Variants in SLC9A9 observed in about 807,000 individuals in gnomAD.
SLC9A9 encodes the protein sodium/hydrogen exchanger 9.
SLC9A9 carries 62 observed loss-of-function variants against 77.8 expected under a neutral mutation model. The observed-to-expected ratio is 0.80, with a 90% CI of 0.65 to 0.98. The LOEUF (loss-of-function observed/expected upper bound fraction) is 0.98, where lower values mean the gene tolerates loss of function less well. Among genes scored for constraint, SLC9A9 ranks in the 50% least tolerant of loss-of-function variants. The pLI is 0.00. For synonymous variants in SLC9A9, 320 were observed against 283.5 expected (o/e 1.13, Z -1.29); for missense variants, 775 against 774.9 (o/e 1.00, Z 0.00).
chr3:143,479,215 A>G (rs2035532179), intron 11 of SLC9A9, among the ~76,000 whole-genome samples: 1 of 152,172 alleles, frequency 6.6e-6, no homozygotes, highest in South Asian at 2.1e-4. Context: ...TTTTACTCAC[A>G]GTAACTGGTA....
intron 12 of SLC9A9, among the ~76,000 whole-genome samples, chr3:143,386,512 G>A (rs987740467): frequency 6.6e-6 from 1 of 152,232 alleles, no homozygotes; most frequent in Non-Finnish European, 1.5e-5. Context: ...GATAATTAGA[G>A]AACTCATTTC....
At chr3:143,606,436 C>CTCTCTCTCTCTCTCTCTATATATA (rs1419410834) in intron 6 of SLC9A9, among the ~76,000 whole-genome samples, 6 of 54,210 alleles carry the variant, frequency 1.1e-4, no homozygotes, top group African/African-American at 4.6e-4. Flanking sequence ...CTCTCTCTCT[C>CTCTCTCTCTCTCTCTCTATATATA]TATATATATA....
chr3:143,284,557 T>C (rs1938325646), intron 14 of SLC9A9, among the ~76,000 whole-genome samples: 1 of 151,974 alleles, frequency 6.6e-6, no homozygotes, highest in Admixed American at 6.6e-5. Context: ...GTAGTGGCCA[T>C]GGGTGGGAAG....
At chr3:143,304,997 TTC>T (rs2030713204) in intron 14 of SLC9A9, among the ~76,000 whole-genome samples, 1 of 152,196 alleles carries the variant, frequency 6.6e-6, no homozygotes, top group Non-Finnish European at 1.5e-5. Flanking sequence ...TACTTTTATA[TTC>T]TGATATCTGA....
intron 12 of SLC9A9, among the ~76,000 whole-genome samples, chr3:143,420,270 GGGACGTAGTAA>G (rs72235610): frequency 0.59 from 88,971 of 151,634 alleles, 26,238 homozygotes; most frequent in South Asian, 0.7. Context: ...TCTTTCTTTA[GGGACGTAGTAA>G]GGATTAACAA....
intron 6 of SLC9A9, among the ~76,000 whole-genome samples, chr3:143,586,681 G>T (rs912991296): frequency 6.6e-6 from 1 of 152,192 alleles, no homozygotes; most frequent in African/African-American, 2.4e-5. Flanking sequence ...AGAATTGTGT[G>T]TACACATCGG....
intron 14 of SLC9A9, among the ~76,000 whole-genome samples, chr3:143,296,094 C>G (rs1328969291): frequency 6.6e-6 from 1 of 152,198 alleles, no homozygotes; most frequent in African/African-American, 2.4e-5. Flanking sequence ...GGCCTACCCT[C>G]TTCACAAATC....
intron 4 of SLC9A9, among the ~76,000 whole-genome samples, chr3:143,770,421 T>G (rs1190184843): frequency 6.6e-6 from 1 of 152,156 alleles, no homozygotes; most frequent in Non-Finnish European, 1.5e-5. Context: ...ACAGCAGAGA[T>G]GGTATTTCAA....
intron 9 of SLC9A9, among the ~76,000 whole-genome samples, chr3:143,528,058 A>C (rs2036434634): frequency 6.6e-6 from 1 of 152,164 alleles, no homozygotes; most frequent in South Asian, 2.1e-4. Context: ...GGAGAAAATC[A>C]TTTCCATGTC....
At chr3:143,673,388 C>T (rs1471814996) in intron 5 of SLC9A9, among the ~76,000 whole-genome samples, 2 of 151,972 alleles carry the variant, frequency 1.3e-5, no homozygotes, top group African/African-American at 2.4e-5. Flanking sequence ...ATTGTCGACA[C>T]GAATTACCTG....
At chr3:143,639,374 T>C (rs1213893715) in intron 6 of SLC9A9, among the ~76,000 whole-genome samples, 2 of 152,212 alleles carry the variant, frequency 1.3e-5, no homozygotes, top group Admixed American at 6.5e-5. Flanking sequence ...TATCTGTTAG[T>C]AGGCACTAGC....
At chr3:143,547,930 C>T (rs903123698) in intron 9 of SLC9A9, among the ~76,000 whole-genome samples, 3 of 152,094 alleles carry the variant, frequency 2.0e-5, no homozygotes, top group Non-Finnish European at 4.4e-5. Flanking sequence ...GTTGTATCCC[C>T]GGTACCTTGA....
intron 14 of SLC9A9, among the ~76,000 whole-genome samples, chr3:143,312,110 G>C (rs1020831789): frequency 6.6e-6 from 1 of 152,188 alleles, no homozygotes; most frequent in African/African-American, 2.4e-5. Context: ...AAACACTGCA[G>C]GAAAATAATC....
intron 4 of SLC9A9, among the ~76,000 whole-genome samples, chr3:143,735,866 T>A (rs1934928431): frequency 6.6e-6 from 1 of 152,248 alleles, no homozygotes; most frequent in Non-Finnish European, 1.5e-5. Flanking sequence ...AGCAAGCTAC[T>A]TAGCCTCTCT....
chr3:143,555,508 TG>T (rs1326075783), intron 8 of SLC9A9, among the ~76,000 whole-genome samples: 2 of 152,198 alleles, frequency 1.3e-5, no homozygotes, highest in East Asian at 1.9e-4. Context: ...CCATTTCTAT[TG>T]AACAAGTAAG....
intron 6 of SLC9A9, among the ~76,000 whole-genome samples, chr3:143,645,032 C>A (rs1024619006): frequency 6.6e-6 from 1 of 152,138 alleles, no homozygotes; most frequent in Admixed American, 6.5e-5. Flanking sequence ...ATTGGAGGAG[C>A]ACTAATGAGG....
intron 12 of SLC9A9, among the ~76,000 whole-genome samples, chr3:143,386,110 G>T (rs2033419361): frequency 6.6e-6 from 1 of 152,186 alleles, no homozygotes; most frequent in Middle Eastern, 3.4e-3. Context: ...GCCCTTCCTA[G>T]GTCTCAGATC....
intron 15 of SLC9A9, among the ~76,000 whole-genome samples, chr3:143,267,628 C>T (rs1173156580): frequency 6.6e-6 from 1 of 152,182 alleles, no homozygotes; most frequent in Non-Finnish European, 1.5e-5. Flanking sequence ...GCTGGGATTA[C>T]AGGCGTCAGC....
intron 1 of SLC9A9, among the ~76,000 whole-genome samples, chr3:143,834,571 C>T (rs77741846): frequency 5.1e-5 from 6 of 116,910 alleles, no homozygotes; most frequent in South Asian, 2.9e-4. Context: ...GCGAGGCACT[C>T]TTTTTTTTTT....
Sources: gnomAD v4.1 joint callset for allele counts (sites outside exome capture counted in the v4.1 genomes callset) on GRCh38, gnomAD v4.1.1 for gene constraint, MANE v1.5 for transcripts, NCBI Gene and HGNC (gene_info 2026-07-23, HGNC 2026-07-21) for gene names.